The following SEC11C variants were observed in gnomAD, a reference collection of about 807,000 sequenced individuals.
SEC11C encodes SEC11 homolog C, signal peptidase complex subunit.
SEC11C carries 10 observed loss-of-function variants against 21.9 expected under a neutral mutation model. The ratio of observed to expected loss-of-function variants is 0.46; its 90% confidence interval spans 0.28 to 0.77. The LOEUF is 0.77. SEC11C is among the 30% of genes least tolerant of loss of function. The pLI, the probability that SEC11C is intolerant of heterozygous loss-of-function variation, is 0.12. For missense variants in SEC11C, 145 were observed against 244.5 expected, an observed-to-expected ratio of 0.59 and a Z score of 2.71; for synonymous variants, 83 against 85.6, an observed-to-expected ratio of 0.97 and a Z score of 0.17.
chr18:59,142,148 G>T (rs141347930), intron 1 of SEC11C, among the ~76,000 whole-genome samples: 2 of 152,204 alleles, frequency 1.3e-5, no homozygotes, highest in African/African-American at 4.8e-5. Flanking sequence ...AATCTGATTC[G>T]TAGGTTTCTT....
intron 1 of SEC11C, 42 bp downstream of exon 1, chr18:59,140,077 C>T: frequency 6.6e-7 from 1 of 1,515,754 alleles, no homozygotes; most frequent in Non-Finnish European, 8.9e-7. Flanking sequence ...CCGGGACCGC[C>T]TGTGCTAGCG....
chr18:59,144,206 C>T (rs2069245045), intron 1 of SEC11C, among the ~76,000 whole-genome samples: 1 of 152,094 alleles, frequency 6.6e-6, no homozygotes, highest in Non-Finnish European at 1.5e-5. Flanking sequence ...TTTCCTTTTC[C>T]ACATTATTAG....
intron 3 of SEC11C, among the ~76,000 whole-genome samples, chr18:59,153,676 G>A (rs886250676): frequency 2.6e-5 from 4 of 151,600 alleles, no homozygotes; most frequent in Non-Finnish European, 4.4e-5. Context: ...CCAGCCTCTC[G>A]AGTAGCTGGG....
Position 59,152,551 on chromosome 18 carries a change from G to T in SEC11C, c.213G>T (p.Pro71=), listed in dbSNP as rs763235677. The T allele has an allele frequency of 1.9e-6, 3 of 1,604,854 alleles. No homozygotes were observed. In the South Asian group the frequency reaches 3.4e-5, roughly 18 times the overall value. ...IVVVLSGSME[P]AFHRGDLLFL... ...TTCTTTCCAGTGGCAGTATGGAGCC[G>T]GCCTTTCACAGAGGAGACCTCCTGT... The change falls in exon 3 of 6, where the codon CCG becomes CCT. Residue 71 remains proline (P), a synonymous_variant. Transcript: ENST00000587834.
chr18:59,146,212 A>G (rs758556241), intron 1 of SEC11C, among the ~76,000 whole-genome samples: 1 of 152,198 alleles, frequency 6.6e-6, no homozygotes, highest in Non-Finnish European at 1.5e-5. Context: ...CGTGTTTGGA[A>G]AGCCAGAATG....
At chr18:59,142,832 A>G (rs1236597069) in intron 1 of SEC11C, among the ~76,000 whole-genome samples, 1 of 152,228 alleles carries the variant, frequency 6.6e-6, no homozygotes, top group Non-Finnish European at 1.5e-5. Context: ...ATAAAAGACT[A>G]CATATTGGGT....
chr18:59,143,919 T>A (rs1282968803), intron 1 of SEC11C, among the ~76,000 whole-genome samples: 1 of 151,170 alleles, frequency 6.6e-6, no homozygotes, highest in Non-Finnish European at 1.5e-5. Flanking sequence ...TGGTGCAATC[T>A]CGGCTCATTG....
chr18:59,152,453 T>C (rs2069367892), intron 2 of SEC11C, 83 bp from the exon 3 acceptor site: 3 of 1,425,708 alleles, frequency 2.1e-6, no homozygotes, highest in Non-Finnish European at 2.8e-6. Context: ...TACTTGACTA[T>C]TGAGTTTCAC....
At chr18:59,140,698 T>C (rs1053822657) in intron 1 of SEC11C, among the ~76,000 whole-genome samples, 1 of 151,946 alleles carries the variant, frequency 6.6e-6, no homozygotes, top group Non-Finnish European at 1.5e-5. Context: ...CAGTGTAGGG[T>C]CTTTGGGCAG....
chr18:59,142,291 C>T (rs1242193050), intron 1 of SEC11C, among the ~76,000 whole-genome samples: 2 of 152,046 alleles, frequency 1.3e-5, no homozygotes, highest in Non-Finnish European at 2.9e-5. Flanking sequence ...TTTTGCTTTC[C>T]CTTAATGAAC....
intron 1 of SEC11C, among the ~76,000 whole-genome samples, chr18:59,143,532 A>C (rs1411359715): frequency 6.6e-6 from 1 of 152,118 alleles, no homozygotes; most frequent in Non-Finnish European, 1.5e-5. Flanking sequence ...TAACATTAGC[A>C]AGAGACAGTT....
chr18:59,145,111 T>C (rs2069255525), intron 1 of SEC11C, among the ~76,000 whole-genome samples: 1 of 152,234 alleles, frequency 6.6e-6, no homozygotes, highest in African/African-American at 2.4e-5. Flanking sequence ...ATTATGATGC[T>C]GATGAACGAT....
chr18:59,152,383 T>G (rs2069365828), intron 2 of SEC11C, among the ~76,000 whole-genome samples, 153 bp from the exon 3 acceptor site: 1 of 152,192 alleles, frequency 6.6e-6, no homozygotes, highest in African/African-American at 2.4e-5. Context: ...TTCGCACATG[T>G]TACCACCTTG....
At chr18:59,149,442 A>G (rs1489116956) in intron 1 of SEC11C, 71 bp from the exon 2 acceptor site, 13 of 983,732 alleles carry the variant, frequency 1.3e-5, no homozygotes, top group Non-Finnish European at 1.8e-5. Context: ...TGATAACTGC[A>G]TCTCCAGCTT....
chr18:59,140,114 T>C (rs2144019686), intron 1 of SEC11C, 79 bp downstream of exon 1: 5 of 1,296,652 alleles, frequency 3.9e-6, no homozygotes, highest in Middle Eastern at 2.6e-4. Context: ...CAGTCAGGGC[T>C]CCGGCTCCCA....
intron 1 of SEC11C, among the ~76,000 whole-genome samples, chr18:59,144,995 C>G (rs2069254111): frequency 6.6e-6 from 1 of 152,040 alleles, no homozygotes; most frequent in South Asian, 2.1e-4. Context: ...TTTGCCAAAC[C>G]CATGTTGAAT....
At chr18:59,157,726 G>C in intron 5 of SEC11C, 61 bp downstream of exon 5, 1 of 1,176,368 alleles carries the variant, frequency 8.5e-7, no homozygotes, top group Middle Eastern at 2.3e-4. Context: ...TTTTACTTCT[G>C]CAACTGTAAA....
At chr18:59,147,172 CA>C (rs1231646913) in intron 1 of SEC11C, 12 of 152,200 alleles carry the variant, frequency 7.9e-5, no homozygotes, top group African/African-American at 2.9e-4. Flanking sequence ...CCGACTTTTC[CA>C]GGCCTTGTGT....
chr18:59,158,334 G>T (rs1228534655), intron 5 of SEC11C, among the ~76,000 whole-genome samples: 1 of 152,044 alleles, frequency 6.6e-6, no homozygotes, highest in East Asian at 2.0e-4. Flanking sequence ...GGGATTACAG[G>T]CGTGTATCCA....
Sources: allele counts gnomAD v4.1 joint callset (sites outside exome capture counted in the v4.1 genomes callset), GRCh38; gene constraint gnomAD v4.1.1; transcripts MANE v1.5; gene names NCBI Gene and HGNC (gene_info 2026-07-23, HGNC 2026-07-21).